GALNT13: variants seen among roughly 807,000 people sequenced by gnomAD.
The protein encoded by GALNT13 is polypeptide N-acetylgalactosaminyltransferase 13, also known as UDP-GalNAc:polypeptide N-acetylgalactosaminyltransferase 13.
GALNT13 carries 28 observed loss-of-function variants against 64.2 expected under a neutral mutation model. The observed-to-expected ratio is 0.44, with a 90% confidence interval of 0.32 to 0.60. GALNT13 has a LOEUF of 0.60. GALNT13 is among the 20% of genes least tolerant of loss of function. The probability of loss-of-function intolerance (pLI) is 0.05; values close to 1 mark genes in which losing one functional copy is unlikely to be tolerated. For missense variants in GALNT13, 577 were observed against 669.8 expected (o/e 0.86, Z 1.53); for synonymous variants, 214 against 224.6 (o/e 0.95, Z 0.42).
At chr2:153,206,419 T>G in the GALNT13 span, among the ~76,000 whole-genome samples, 1 of 152,082 alleles carries the variant, frequency 6.6e-6, no homozygotes, top group South Asian at 2.1e-4. Context: ...TTTTTTTAAT[T>G]TTTAATTTTG....
At chr2:154,434,686 A>G (rs1700866332) in intron 11 of GALNT13, among the ~76,000 whole-genome samples, 1 of 152,162 alleles carries the variant, frequency 6.6e-6, no homozygotes, top group Non-Finnish European at 1.5e-5. Flanking sequence ...CTGAAGGACT[A>G]CATGAGAATA....
At chr2:154,366,027 A>T (rs1231426585) in intron 9 of GALNT13, among the ~76,000 whole-genome samples, 4 of 152,202 alleles carry the variant, frequency 2.6e-5, no homozygotes, top group Admixed American at 2.6e-4. Flanking sequence ...ATTGATGAGA[A>T]CTAAAGCCTG....
At chr2:153,326,042 T>A in the GALNT13 span, among the ~76,000 whole-genome samples, 1 of 152,198 alleles carries the variant, frequency 6.6e-6, no homozygotes, top group East Asian at 1.9e-4. Context: ...GTTCAAGTCC[T>A]GAATATCCTT....
intron 8 of GALNT13, among the ~76,000 whole-genome samples, chr2:154,285,772 A>G (rs950552871): frequency 1.1e-4 from 16 of 152,128 alleles, no homozygotes; most frequent in African/African-American, 3.9e-4. Context: ...CAATTTTGAT[A>G]GGTTTTGCAT....
chr2:153,895,695 G>T (rs918014887), intron 1 of GALNT13, among the ~76,000 whole-genome samples: 2 of 152,040 alleles, frequency 1.3e-5, no homozygotes. Context: ...GGGTACATCA[G>T]TTTCATAAAA....
At chr2:153,497,522 A>ATTT in the GALNT13 span, among the ~76,000 whole-genome samples, 1,130 of 36,832 alleles carry the variant, frequency 0.031, 370 homozygotes, top group African/African-American at 0.052. Context: ...TTTCTCCCGC[A>ATTT]TTTTTTTTTT....
At chr2:153,144,223 G>T in the GALNT13 span, among the ~76,000 whole-genome samples, 1 of 151,906 alleles carries the variant, frequency 6.6e-6, no homozygotes, top group Non-Finnish European at 1.5e-5. Context: ...AATTCAGAGA[G>T]AAGGGAATAT....
At chr2:153,512,146 A>G in the GALNT13 span, among the ~76,000 whole-genome samples, 1 of 152,160 alleles carries the variant, frequency 6.6e-6, no homozygotes, top group African/African-American at 2.4e-5. Context: ...TGAAACCACT[A>G]AAACCCATGG....
At chr2:153,795,618 T>C in the GALNT13 span, among the ~76,000 whole-genome samples, 17 of 152,260 alleles carry the variant, frequency 1.1e-4, no homozygotes, top group African/African-American at 3.8e-4. Flanking sequence ...CTTTATGACC[T>C]CTACATAAAA....
At chr2:154,445,857 AG>A in intron 12 of GALNT13, 1 of 1,286,260 alleles carries the variant, frequency 7.8e-7, no homozygotes, top group Non-Finnish European at 1.0e-6. Context: ...AGGTGGCCAT[AG>A]TCTGTGGCTT....
At chr2:153,166,051 T>C in the GALNT13 span, among the ~76,000 whole-genome samples, 37 of 152,248 alleles carry the variant, frequency 2.4e-4, no homozygotes, top group African/African-American at 8.9e-4. Flanking sequence ...TTGGCCATGT[T>C]TTTGGAATTT....
chr2:153,764,913 C>A, the GALNT13 span, among the ~76,000 whole-genome samples: 1 of 152,244 alleles, frequency 6.6e-6, no homozygotes, highest in African/African-American at 2.4e-5. Flanking sequence ...GGTGCAGGTG[C>A]AAGACCCATG....
At chr2:154,368,927 A>T (rs911631360) in intron 9 of GALNT13, among the ~76,000 whole-genome samples, 1 of 152,038 alleles carries the variant, frequency 6.6e-6, no homozygotes, top group Non-Finnish European at 1.5e-5. Flanking sequence ...TTAAACCACA[A>T]GTCATCAGTA....
At chr2:154,206,445 A>T (rs1473245663) in intron 4 of GALNT13, among the ~76,000 whole-genome samples, 1 of 152,140 alleles carries the variant, frequency 6.6e-6, no homozygotes, top group Non-Finnish European at 1.5e-5. Flanking sequence ...CTGCTTACTT[A>T]CAAATATTTA....
intron 12 of GALNT13, among the ~76,000 whole-genome samples, chr2:154,446,276 A>C (rs1701569695): frequency 6.6e-6 from 1 of 152,108 alleles, no homozygotes; most frequent in Non-Finnish European, 1.5e-5. Context: ...ACTAGGATGA[A>C]GGCTGAGAAT....
At chr2:154,004,846 C>T (rs1574310957) in intron 3 of GALNT13, among the ~76,000 whole-genome samples, 1 of 152,286 alleles carries the variant, frequency 6.6e-6, no homozygotes, top group East Asian at 1.9e-4. Context: ...CAAACAAATA[C>T]ACATACCAGG....
the GALNT13 span, among the ~76,000 whole-genome samples, chr2:153,219,822 C>T: frequency 1.8e-4 from 28 of 152,306 alleles, no homozygotes; most frequent in South Asian, 2.1e-3. Context: ...CTTCAGAGTG[C>T]TCAAAGCTGA....
At chr2:153,749,734 G>T in the GALNT13 span, among the ~76,000 whole-genome samples, 1 of 151,646 alleles carries the variant, frequency 6.6e-6, no homozygotes, top group Non-Finnish European at 1.5e-5. Context: ...CTTTTTTGTG[G>T]CATCTTTAGA....
At chr2:153,086,790 T>C in the GALNT13 span, among the ~76,000 whole-genome samples, 1 of 152,088 alleles carries the variant, frequency 6.6e-6, no homozygotes, top group African/African-American at 2.4e-5. Flanking sequence ...GCTCCATCAC[T>C]GTTGGTGTAT....
Sources: allele counts gnomAD v4.1 joint callset (sites outside exome capture counted in the v4.1 genomes callset), GRCh38; gene constraint gnomAD v4.1.1; transcripts MANE v1.5; gene names NCBI Gene and HGNC (gene_info 2026-07-23, HGNC 2026-07-21).